Variants in SLC8A3 observed in about 807,000 individuals in gnomAD.
SLC8A3 encodes the protein sodium/calcium exchanger 3.
Under a neutral mutation model 65.4 loss-of-function variants are expected in SLC8A3, and 37 were observed. The ratio of observed to expected loss-of-function variants is 0.57; its 90% CI spans 0.44 to 0.74. The LOEUF is 0.74. Ranked by LOEUF, SLC8A3 falls within the 30% of genes least tolerant of loss-of-function variation. SLC8A3 has a pLI of 0.00. For synonymous variants in SLC8A3, 461 were observed against 444.5 expected (o/e 1.04, Z -0.47); for missense variants, 1,112 against 1,172.1 (o/e 0.95, Z 0.75).
intron 2 of SLC8A3, among the ~76,000 whole-genome samples, chr14:70,139,149 A>G (rs1895406271): frequency 6.6e-6 from 1 of 152,114 alleles, no homozygotes; most frequent in Non-Finnish European, 1.5e-5. Flanking sequence ...CACCTCCAAC[A>G]ACCATCACTC....
At chr14:70,052,314 G>A (rs1887603240) in intron 3 of SLC8A3, among the ~76,000 whole-genome samples, 200 bp from the exon 4 acceptor site, 1 of 152,190 alleles carries the variant, frequency 6.6e-6, no homozygotes, top group African/African-American at 2.4e-5. Flanking sequence ...TGCAGACTGG[G>A]ATAAGCGTTC....
chr14:70,165,164 C>T (rs1002871119), intron 2 of SLC8A3, among the ~76,000 whole-genome samples: 1 of 152,190 alleles, frequency 6.6e-6, no homozygotes, highest in African/African-American at 2.4e-5. Flanking sequence ...TATTGTTATT[C>T]CCAGTTTGCA....
In SLC8A3 at chr14:70,123,832, A is replaced by AT. The variant is rs201005833; in HGVS notation, c.1784+42806dup. 9.6e-3 allele frequency among the ~76,000 whole-genome samples: 1,465 copies of AT among 152,208 alleles called. 19 individuals are homozygous for AT. Among genetic ancestry groups the AT allele is most frequent in the African/African-American group, 0.032 (1,348 of 41,526 alleles). On this transcript the variant is annotated intron_variant, in intron 2 of 6. Transcript: ENST00000356921. ...CCAACATTCTGTCTACATGACCTCC[A>AT]TTTTTTCTGACATCTATTTAAGAGG...
At chr14:70,137,311 C>T (rs1305809921) in intron 2 of SLC8A3, among the ~76,000 whole-genome samples, 1 of 152,010 alleles carries the variant, frequency 6.6e-6, no homozygotes, top group Non-Finnish European at 1.5e-5. Flanking sequence ...TGCCACCATG[C>T]CTGGCTAGTT....
At chr14:70,057,210 A>G (rs1888229072) in intron 3 of SLC8A3, among the ~76,000 whole-genome samples, 1 of 152,200 alleles carries the variant, frequency 6.6e-6, no homozygotes. Flanking sequence ...TTTTTTAGGT[A>G]TCTCCCATGT....
intron 2 of SLC8A3, among the ~76,000 whole-genome samples, chr14:70,091,088 G>C (rs1250673184): frequency 1.3e-5 from 2 of 152,176 alleles, no homozygotes; most frequent in African/African-American, 4.8e-5. Context: ...CAGCTGCAAC[G>C]ATAATGTGCA....
At chr14:70,104,398 C>A (rs557303170) in intron 2 of SLC8A3, among the ~76,000 whole-genome samples, 9 of 152,232 alleles carry the variant, frequency 5.9e-5, no homozygotes, top group Middle Eastern at 6.8e-3. Context: ...TTGGCCATTT[C>A]TCTCTTTAGT....
At chr14:70,148,523 T>C (rs1475577530) in intron 2 of SLC8A3, among the ~76,000 whole-genome samples, 2 of 152,182 alleles carry the variant, frequency 1.3e-5, no homozygotes, top group Non-Finnish European at 2.9e-5. Context: ...CAGCCTTGGA[T>C]GGTGGCAGTA....
intron 2 of SLC8A3, among the ~76,000 whole-genome samples, chr14:70,097,033 G>A (rs1892224108): frequency 6.6e-6 from 1 of 152,182 alleles, no homozygotes; most frequent in African/African-American, 2.4e-5. Flanking sequence ...TAAACGTCCT[G>A]AGGAAGGAGC....
intron 2 of SLC8A3, among the ~76,000 whole-genome samples, chr14:70,075,948 A>G (rs914383072): frequency 3.9e-5 from 6 of 152,164 alleles, no homozygotes; most frequent in Non-Finnish European, 8.8e-5. Context: ...GAGAATTTGC[A>G]TTCCTAACAA....
intron 3 of SLC8A3, among the ~76,000 whole-genome samples, chr14:70,057,294 GTAGATAGATAGATAGATAGA>G (rs3052660): frequency 1.3e-5 from 2 of 149,464 alleles, no homozygotes; most frequent in South Asian, 2.2e-4. Flanking sequence ...AGGCAGATAG[GTAGATAGATAGATAGATAGA>G]TAGATAGATA....
At chr14:70,116,131 G>A (rs1418909851) in intron 2 of SLC8A3, among the ~76,000 whole-genome samples, 3 of 152,140 alleles carry the variant, frequency 2.0e-5, no homozygotes. Flanking sequence ...CTCAGAGAGG[G>A]GGTCATAGAC....
At chr14:70,118,614 A>C (rs1359141005) in intron 2 of SLC8A3, among the ~76,000 whole-genome samples, 5 of 152,256 alleles carry the variant, frequency 3.3e-5, no homozygotes, top group Non-Finnish European at 5.9e-5. Context: ...AGATCTCCAC[A>C]TAAAATGAGA....
intron 2 of SLC8A3, among the ~76,000 whole-genome samples, chr14:70,092,423 C>T (rs1891866482): frequency 6.6e-6 from 1 of 152,158 alleles, no homozygotes; most frequent in Admixed American, 6.5e-5. Flanking sequence ...GAGCTGGCAG[C>T]TCTGCTTTGT....
At chr14:70,090,386 T>C (rs967241192) in intron 2 of SLC8A3, among the ~76,000 whole-genome samples, 7 of 152,196 alleles carry the variant, frequency 4.6e-5, no homozygotes, top group African/African-American at 1.7e-4. Flanking sequence ...GCCTACTAAT[T>C]AATTTCAGAA....
At chr14:70,119,189 T>TC (rs1223263100) in intron 2 of SLC8A3, among the ~76,000 whole-genome samples, 210 of 2,858 alleles carry the variant, frequency 0.073, 1 homozygote, top group South Asian at 0.48. Flanking sequence ...GAAGCACTCT[T>TC]TTCCCCCCAC....
chr14:70,089,985 G>GTTTCTGAT (rs2140053074), intron 2 of SLC8A3, among the ~76,000 whole-genome samples: 1 of 152,160 alleles, frequency 6.6e-6, no homozygotes, highest in East Asian at 1.9e-4. Context: ...TATTTTCATT[G>GTTTCTGAT]TTTCTGATTT....
At chr14:70,132,098 C>T (rs1438482423) in intron 2 of SLC8A3, among the ~76,000 whole-genome samples, 1 of 152,204 alleles carries the variant, frequency 6.6e-6, no homozygotes, top group Non-Finnish European at 1.5e-5. Flanking sequence ...AAGCCTGGAG[C>T]CCTTGGCTCT....
chr14:70,055,661 C>T, intron 3 of SLC8A3: 1 of 673,564 alleles, frequency 1.5e-6, no homozygotes, highest in South Asian at 2.4e-5. Flanking sequence ...ATAAATCTCC[C>T]AGTCCTTGGG....
Sources: allele counts gnomAD v4.1 joint callset (sites outside exome capture counted in the v4.1 genomes callset), GRCh38; gene constraint gnomAD v4.1.1; transcripts MANE v1.5; gene names NCBI Gene and HGNC (gene_info 2026-07-23, HGNC 2026-07-21).